Variants in LEMD1 observed in about 807,000 individuals in gnomAD.
LEMD1 encodes the protein LEM domain containing 1.
A neutral mutation model predicts 17.4 loss-of-function variants in LEMD1; 18 were observed. That is an observed-to-expected ratio of 1.04 (90% CI 0.72 to 1.54). The LOEUF is 1.54. Among genes scored for constraint, LEMD1 ranks in the 40% most tolerant of loss-of-function variants. The pLI is 0.00. For missense variants in LEMD1, 195 were observed against 210.4 expected (o/e 0.93, Z 0.45); for synonymous variants, 88 against 77.8 (o/e 1.13, Z -0.69).
intron 4 of LEMD1, among the ~76,000 whole-genome samples, chr1:205,411,187 A>AAAGG (rs201253062): frequency 2.1e-4 from 31 of 144,776 alleles, no homozygotes; most frequent in African/African-American, 7.3e-4. Flanking sequence ...GGAAAGAAGG[A>AAAGG]AAGGAAGGAA....
chr1:205,415,004 G>A (rs1574987092), intron 4 of LEMD1, among the ~76,000 whole-genome samples: 1 of 152,304 alleles, frequency 6.6e-6, no homozygotes, highest in East Asian at 1.9e-4. Context: ...CTCTTTGTAT[G>A]TGAAGAGCTG....
intron 1 of LEMD1, among the ~76,000 whole-genome samples, chr1:205,433,457 G>A (rs1161256644): frequency 2.6e-5 from 4 of 152,064 alleles, no homozygotes; most frequent in Non-Finnish European, 2.9e-5. Context: ...ACTCTGTCTT[G>A]GGAAAAAGAA....
At chr1:205,425,031 G>A (rs1227096874), upstream of LEMD1, among the ~76,000 whole-genome samples, 1 of 152,156 alleles carries the variant, frequency 6.6e-6, no homozygotes, top group Non-Finnish European at 1.5e-5. Flanking sequence ...AGCCACAACA[G>A]GATGGCTGAT....
At chr1:205,426,290 A>G (rs148479868), upstream of LEMD1, among the ~76,000 whole-genome samples, 580 of 152,360 alleles carry the variant, frequency 3.8e-3, 4 homozygotes, top group African/African-American at 0.013. Context: ...AACCGCATGC[A>G]ATAAATTGTG....
chr1:205,409,749 GCGTGCCACTA>G (rs1665297534), intron 4 of LEMD1, among the ~76,000 whole-genome samples: 1 of 150,638 alleles, frequency 6.6e-6, no homozygotes, highest in African/African-American at 2.4e-5. Flanking sequence ...CCACAAGCAT[GCGTGCCACTA>G]TGCCCAGTTA....
At chr1:205,393,087 G>GA (rs1044892822) in intron 4 of LEMD1, among the ~76,000 whole-genome samples, 14 of 151,538 alleles carry the variant, frequency 9.2e-5, no homozygotes, top group Non-Finnish European at 1.8e-4. Context: ...GTATAGACTG[G>GA]AAAAAAAACT....
intron 1 of LEMD1, among the ~76,000 whole-genome samples, chr1:205,446,755 TC>T (rs1666395649): frequency 6.6e-6 from 1 of 152,130 alleles, no homozygotes; most frequent in South Asian, 2.1e-4. Flanking sequence ...GTGCCAGCCA[TC>T]TCTGAACTCT....
At chr1:205,431,070 G>A (rs2102453530) in intron 1 of LEMD1, among the ~76,000 whole-genome samples, 1 of 152,276 alleles carries the variant, frequency 6.6e-6, no homozygotes, top group African/African-American at 2.4e-5. Context: ...GGGGTGGGGC[G>A]GAGGACCCCC....
intron 4 of LEMD1, among the ~76,000 whole-genome samples, chr1:205,403,309 T>C (rs1476664957): frequency 1.3e-5 from 2 of 151,932 alleles, no homozygotes; most frequent in Non-Finnish European, 1.5e-5. Flanking sequence ...TGGTAGAATT[T>C]GGCTGTGAAT....
rs1663885585 is a variant in LEMD1, at chr1:205,384,376, A to C, written c.271-12T>G. On this transcript the variant is annotated splice_polypyrimidine_tract_variant and intron_variant, in intron 4 of 5. Coordinates refer to ENST00000367153, the MANE Select transcript of LEMD1 (RefSeq NM_001199050.2). ...GAAGCCTCAGGCCACTGATAAACAG[A>C]AAGAAAATGTCAAGAGGAATTTGTT... The C allele has an allele frequency of 6.8e-7, 1 of 1,476,054 alleles. No individual in the cohort carries two copies. The highest frequency in any genetic ancestry group is 9.0e-7 in the Non-Finnish European group (1 of 1,109,046). The allele number at this position is 1,476,054 out of a possible 1,614,324, so 91.4% of individuals were successfully genotyped here. A position where few individuals can be genotyped will look rare whatever the true frequency, so the allele number is the denominator to read the frequency against.
At chr1:205,428,012 C>T (rs1456792613) in intron 1 of LEMD1, among the ~76,000 whole-genome samples, 1 of 152,198 alleles carries the variant, frequency 6.6e-6, no homozygotes, top group Non-Finnish European at 1.5e-5. Flanking sequence ...GGGTGACTGG[C>T]AACGGGTGAG....
chr1:205,410,777 G>A (rs966048864), intron 4 of LEMD1, among the ~76,000 whole-genome samples: 2 of 151,990 alleles, frequency 1.3e-5, no homozygotes, highest in Non-Finnish European at 2.9e-5. Context: ...GAGGCCAGAG[G>A]TTAACTTGAG....
At chr1:205,402,872 C>G (rs890350532) in intron 4 of LEMD1, among the ~76,000 whole-genome samples, 1 of 151,770 alleles carries the variant, frequency 6.6e-6, no homozygotes, top group African/African-American at 2.4e-5. Flanking sequence ...TGAGATACAT[C>G]CCATCAATAC....
intron 1 of LEMD1, among the ~76,000 whole-genome samples, chr1:205,421,147 G>A (rs16855572): frequency 2.6e-5 from 4 of 151,766 alleles, no homozygotes; most frequent in African/African-American, 9.7e-5. Context: ...ATTGGCATTT[G>A]AAAAAAAGTC....
At chr1:205,446,463 G>A (rs1472619270) in intron 1 of LEMD1, among the ~76,000 whole-genome samples, 5 of 152,210 alleles carry the variant, frequency 3.3e-5, no homozygotes, top group African/African-American at 1.2e-4. Flanking sequence ...CCTTGCTAGA[G>A]CTTTACAGAG....
intron 4 of LEMD1, among the ~76,000 whole-genome samples, chr1:205,389,608 G>A (rs561953122): frequency 6.6e-6 from 1 of 152,254 alleles, no homozygotes; most frequent in East Asian, 1.9e-4. Context: ...AGGCAGGGAT[G>A]TCCCTGAAGC....
At chr1:205,428,430 C>T (rs1575002548) in intron 1 of LEMD1, among the ~76,000 whole-genome samples, 2 of 152,276 alleles carry the variant, frequency 1.3e-5, no homozygotes, top group East Asian at 1.9e-4. Flanking sequence ...ATTTCCTGAA[C>T]CCTACCACAT....
chr1:205,439,842 T>A (rs2102463369), intron 1 of LEMD1, among the ~76,000 whole-genome samples: 1 of 151,404 alleles, frequency 6.6e-6, no homozygotes, highest in Admixed American at 6.6e-5. Flanking sequence ...TATACCAAAA[T>A]GAAGGGAGAG....
Position 205,411,895 on chromosome 1 carries a change from G to A in LEMD1, c.270+4337C>T, listed in dbSNP as rs536783783. On this transcript the variant is annotated intron_variant, in intron 4 of 5. Transcript: ENST00000367153. ...GTAAAGAAACACCCAGGTGGCCCAG[G>A]AGGGCTCAGAAGTACACACCTCCCA... Among the ~76,000 whole-genome samples, 15 of 152,262 alleles carry A rather than the reference G, an allele frequency of 9.9e-5. No homozygotes were observed. In the South Asian group the frequency reaches 2.9e-3, roughly 29 times the overall value.
Sources: gnomAD v4.1 joint callset for allele counts (sites outside exome capture counted in the v4.1 genomes callset) on GRCh38, gnomAD v4.1.1 for gene constraint, MANE v1.5 for transcripts, NCBI Gene and HGNC (gene_info 2026-07-23, HGNC 2026-07-21) for gene names.